IGF1R: variants seen among roughly 807,000 people sequenced by gnomAD.
IGF1R encodes insulin-like growth factor 1 receptor.
In IGF1R, 44 loss-of-function variants were observed where a neutral mutation model predicts 144.6. The observed-to-expected ratio is 0.30, with a 90% CI of 0.24 to 0.39. IGF1R has a LOEUF of 0.39. Among genes scored for constraint, IGF1R ranks in the 10% least tolerant of loss-of-function variants. The pLI, the probability that IGF1R is intolerant of heterozygous loss-of-function variation, is 1.00. For missense variants in IGF1R, 1,355 were observed against 1,833.7 expected (o/e 0.74, Z 4.77); for synonymous variants, 795 against 722.8 (o/e 1.10, Z -1.60).
intron 5 of IGF1R, among the ~76,000 whole-genome samples, 180 bp downstream of exon 5, chr15:98,899,801 G>A (rs758427170): frequency 6.6e-6 from 1 of 152,176 alleles, no homozygotes; most frequent in Non-Finnish European, 1.5e-5. Context: ...TCCATTCTTA[G>A]GAGGTTGCTG....
intron 2 of IGF1R, among the ~76,000 whole-genome samples, chr15:98,765,574 T>C (rs949243698): frequency 2.6e-5 from 4 of 152,082 alleles, no homozygotes; most frequent in African/African-American, 9.7e-5. Context: ...TCTGCCCGCT[T>C]CAGCCTCCCA....
intron 2 of IGF1R, among the ~76,000 whole-genome samples, chr15:98,762,233 CTTTTCTTTTTTTTTTTTTTTTTG>C (rs1226758809): frequency 0.065 from 8,370 of 128,416 alleles, 276 homozygotes; most frequent in East Asian, 0.14. Flanking sequence ...CTTTTCTTTT[CTTTTCTTTTTTTTTTTTTTTTTG>C]AGATGGAGTC....
intron 19 of IGF1R, among the ~76,000 whole-genome samples, chr15:98,947,921 G>A (rs2016616732): frequency 6.6e-6 from 1 of 152,124 alleles, no homozygotes; most frequent in Non-Finnish European, 1.5e-5. Context: ...TGGACCTCAA[G>A]ATCCCTATAG....
chr15:98,920,026 T>G (rs1024840798), intron 10 of IGF1R, among the ~76,000 whole-genome samples: 6 of 152,232 alleles, frequency 3.9e-5, no homozygotes, highest in African/African-American at 1.4e-4. Context: ...GTTTCTGAAG[T>G]CAATATTCGC....
At chr15:98,762,956 G>T (rs1247900989) in intron 2 of IGF1R, among the ~76,000 whole-genome samples, 1 of 151,076 alleles carries the variant, frequency 6.6e-6, no homozygotes, top group Non-Finnish European at 1.5e-5. Context: ...TGACGCAGGA[G>T]AATTGCTTGA....
chr15:98,861,340 C>T (rs1481725298), intron 2 of IGF1R, among the ~76,000 whole-genome samples: 2 of 152,160 alleles, frequency 1.3e-5, no homozygotes, highest in East Asian at 1.9e-4. Context: ...TTCTCCCCTC[C>T]TACTATTAGC....
In IGF1R at chr15:98,708,070, C is replaced by T. The variant is rs2141260053; in HGVS notation, c.603C>T (p.Tyr201=). Residue 201 remains tyrosine, a synonymous_variant, in exon 2 of 21, where the codon TAC becomes TAT. Coordinates refer to ENST00000650285, the MANE Select transcript of IGF1R (RefSeq NM_000875.5). The stretch of plus-strand genomic sequence containing the variant: ...AGAAGACCACCATCAACAATGAGTA[C>T]AACTACCGCTGCTGGACCACAAACC... ...MCEKTTINNE[Y]NYRCWTTNRC... The T allele has an allele frequency of 1.2e-6, 2 of 1,613,910 alleles. No homozygotes were observed. The highest frequency in any genetic ancestry group is 1.7e-6 in the Non-Finnish European group (2 of 1,179,964).
At chr15:98,730,032 T>C (rs1247288551) in intron 2 of IGF1R, among the ~76,000 whole-genome samples, 1 of 152,214 alleles carries the variant, frequency 6.6e-6, no homozygotes, top group Non-Finnish European at 1.5e-5. Flanking sequence ...TGTCAGTGGC[T>C]CCCTTAATTT....
chr15:98,902,805 A>G (rs899857322), intron 5 of IGF1R, among the ~76,000 whole-genome samples: 2 of 152,060 alleles, frequency 1.3e-5, no homozygotes, highest in African/African-American at 4.8e-5. Flanking sequence ...TTTGTTTTTG[A>G]TGGAGAACAG....
chr15:98,705,533 G>C (rs145078457), intron 1 of IGF1R, among the ~76,000 whole-genome samples: 1 of 152,062 alleles, frequency 6.6e-6, no homozygotes, highest in African/African-American at 2.4e-5. Flanking sequence ...TCTTTTCTCT[G>C]TCTTAGGGGT....
chr15:98,738,395 G>A (rs974795267), intron 2 of IGF1R, among the ~76,000 whole-genome samples: 1 of 152,166 alleles, frequency 6.6e-6, no homozygotes, highest in African/African-American at 2.4e-5. Flanking sequence ...TGGGACCTGG[G>A]CAGGTTGGCT....
At chr15:98,896,282 C>G (rs554104619) in intron 3 of IGF1R, among the ~76,000 whole-genome samples, 21 of 152,308 alleles carry the variant, frequency 1.4e-4, no homozygotes, top group Admixed American at 5.9e-4. Flanking sequence ...ACTGCAGGAG[C>G]TAGACTACTG....
At chr15:98,893,070 T>C (rs2014007894) in intron 3 of IGF1R, among the ~76,000 whole-genome samples, 1 of 152,234 alleles carries the variant, frequency 6.6e-6, no homozygotes, top group East Asian at 1.9e-4. Flanking sequence ...TCCTTCATGA[T>C]TAGCACCAGG....
chr15:98,658,913 C>G (rs2052542105), intron 1 of IGF1R, among the ~76,000 whole-genome samples: 1 of 152,188 alleles, frequency 6.6e-6, no homozygotes, highest in South Asian at 2.1e-4. Flanking sequence ...CCTCAGTTTC[C>G]TCATCTGTGA....
At chr15:98,810,506 A>G (rs1464406153) in intron 2 of IGF1R, among the ~76,000 whole-genome samples, 1 of 151,904 alleles carries the variant, frequency 6.6e-6, no homozygotes, top group Non-Finnish European at 1.5e-5. Flanking sequence ...CTTAACAGGC[A>G]AGTAACTCTC....
chr15:98,659,530 T>TA (rs1425653580), intron 1 of IGF1R, among the ~76,000 whole-genome samples: 1 of 152,194 alleles, frequency 6.6e-6, no homozygotes, highest in Non-Finnish European at 1.5e-5. Context: ...AAAATGTGGA[T>TA]ACTACAGACT....
At chr15:98,834,185 C>G (rs1418749413) in intron 2 of IGF1R, among the ~76,000 whole-genome samples, 1 of 152,130 alleles carries the variant, frequency 6.6e-6, no homozygotes, top group African/African-American at 2.4e-5. Context: ...TAGACTGTAC[C>G]TTTTTTGGGA....
rs564058657 is a variant in IGF1R, at chr15:98,862,239, G to A, written c.641-29086G>A. On this transcript the variant is annotated intron_variant, in intron 2 of 20. Coordinates refer to ENST00000650285, the MANE Select transcript of IGF1R (RefSeq NM_000875.5). Reference sequence around the variant, plus strand: ...GCAGATGATAGAGCAGGGTATATGGGCAAGTTAGAAAAACACAGTTCTCAC... The same window carrying A: ...GCAGATGATAGAGCAGGGTATATGGACAAGTTAGAAAAACACAGTTCTCAC... Among the ~76,000 whole-genome samples, 3 of 152,312 alleles carry A rather than the reference G, an allele frequency of 2.0e-5. No individual in the cohort carries two copies. In the South Asian group the frequency reaches 6.2e-4, roughly 32 times the overall value.
At chr15:98,840,493 C>CGGCTGGA in intron 2 of IGF1R, among the ~76,000 whole-genome samples, 1 of 152,168 alleles carries the variant, frequency 6.6e-6, no homozygotes, top group South Asian at 2.1e-4. Flanking sequence ...TCTGTCACCC[C>CGGCTGGA]GGCTGGAGCG....
Sources: allele counts gnomAD v4.1 joint callset (sites outside exome capture counted in the v4.1 genomes callset), GRCh38; gene constraint gnomAD v4.1.1; transcripts MANE v1.5; gene names NCBI Gene and HGNC (gene_info 2026-07-23, HGNC 2026-07-21).